Variants in SLC47A2 observed in about 807,000 individuals in gnomAD.
The protein encoded by SLC47A2 is multidrug and toxin extrusion protein 2.
A neutral mutation model predicts 67.7 loss-of-function variants in SLC47A2; 52 were observed. The observed-to-expected ratio is 0.77, with a 90% confidence interval of 0.61 to 0.97. The LOEUF is 0.97. SLC47A2 is among the 50% of genes least tolerant of loss of function. The probability of loss-of-function intolerance (pLI) is 0.00; values close to 1 mark genes in which losing one functional copy is unlikely to be tolerated. For missense variants in SLC47A2, 676 were observed against 712.3 expected (o/e 0.95, Z 0.58); for synonymous variants, 278 against 292.9 (o/e 0.95, Z 0.52).
In SLC47A2 at chr17:19,681,675, G is replaced by A. The variant is rs769786354; in HGVS notation, c.1165-5C>T. On this transcript the variant is annotated splice_polypyrimidine_tract_variant and splice_region_variant and intron_variant, in intron 13 of 16. Transcript: ENST00000433844. ...CAGAACTCCGCCATAGACACACTAG[G>A]AGGGGAGACAGAAATGGGCAAGAGT... 1.9e-6 allele frequency: 3 copies of A among 1,606,768 alleles called. No homozygotes were observed. The highest frequency in any genetic ancestry group is 2.6e-6 in the Non-Finnish European group (3 of 1,175,002).
intron 16 of SLC47A2, among the ~76,000 whole-genome samples, chr17:19,679,258 C>A (rs902747243): frequency 6.6e-6 from 1 of 152,178 alleles, no homozygotes; most frequent in Non-Finnish European, 1.5e-5. Flanking sequence ...TGACAACTTA[C>A]GCTCCCAGAG....
intron 3 of SLC47A2, 75 bp from the exon 4 acceptor site, chr17:19,714,048 T>TGTCAGCGGC: frequency 6.5e-7 from 1 of 1,531,258 alleles, no homozygotes; most frequent in Admixed American, 1.9e-5. Context: ...GGGAGCGGGC[T>TGTCAGCGGC]GTCAGCGGCG....
At chr17:19,711,588 CAAAAAAAAAAAAA>C (rs35308426) in intron 5 of SLC47A2, among the ~76,000 whole-genome samples, 3 of 33,006 alleles carry the variant, frequency 9.1e-5, no homozygotes, top group Admixed American at 4.4e-4. Flanking sequence ...AACTCCGTCT[CAAAAAAAAAAAAA>C]AAAAAAAAAA....
chr17:19,691,046 C>G (rs1489084619), intron 13 of SLC47A2, among the ~76,000 whole-genome samples: 1 of 151,958 alleles, frequency 6.6e-6, no homozygotes, highest in African/African-American at 2.4e-5. Flanking sequence ...TTGCTTGAAC[C>G]TGGGAGGCGG....
chr17:19,707,960 C>T, intron 7 of SLC47A2, 117 bp from the exon 8 acceptor site: 3 of 984,394 alleles, frequency 3.0e-6, no homozygotes, highest in South Asian at 1.5e-5. Flanking sequence ...CTCTGCTCTT[C>T]CCCCATCCTG....
chr17:19,704,604 T>C, intron 10 of SLC47A2: 6 of 1,467,990 alleles, frequency 4.1e-6, no homozygotes, highest in Non-Finnish European at 5.5e-6. Flanking sequence ...TAGATTTTTG[T>C]GACTCCTTTG....
chr17:19,689,789 G>A (rs554557517), intron 13 of SLC47A2, among the ~76,000 whole-genome samples: 5 of 151,882 alleles, frequency 3.3e-5, no homozygotes, highest in South Asian at 2.1e-4. Flanking sequence ...CACAAAAAAT[G>A]GATATTCTAT....
At chr17:19,708,653 C>T (rs1237430533) in intron 6 of SLC47A2, 63 bp downstream of exon 6, 5 of 1,605,380 alleles carry the variant, frequency 3.1e-6, no homozygotes, top group South Asian at 1.1e-5. Context: ...CCCAGGCCCC[C>T]CTCCCACTGG....
At chr17:19,682,091 C>T (rs952581219) in intron 13 of SLC47A2, among the ~76,000 whole-genome samples, 5 of 152,108 alleles carry the variant, frequency 3.3e-5, no homozygotes, top group African/African-American at 1.2e-4. Flanking sequence ...TTGGGCCGGG[C>T]ATGGTGGCTC....
intron 1 of SLC47A2, 23 bp from the exon 2 acceptor site, chr17:19,715,240 G>T (rs750071152): frequency 6.3e-7 from 1 of 1,599,532 alleles, no homozygotes; most frequent in South Asian, 1.1e-5. Context: ...GGCCAGGTCA[G>T]ACTCGGGGCC....
rs2086201958 is a variant in SLC47A2 at position 19,714,725 on chromosome 17, G to A, written c.290C>T (p.Ser97Phe). The change falls in exon 3 of 17, where the codon TCT becomes TTT. Residue 97 changes from serine (S) to phenylalanine (F), a missense_variant. By Grantham distance (155) the Ser-to-Phe change is radical. Coordinates refer to ENST00000433844, the MANE Select transcript of SLC47A2 (RefSeq NM_001099646.3). ...GLSSACDTLM[S>F]QSFGSPNKKH... ...CAGCTCCAGGAGGCCACCCACCTGA[G>A]ACATCAAGGTGTCACATGCCGAAGA... is the stretch of plus-strand genomic sequence containing the variant. The A allele has an allele frequency of 1.2e-6, 2 of 1,614,070 alleles. No homozygotes were observed. The highest frequency in any genetic ancestry group is 1.7e-6 in the Non-Finnish European group (2 of 1,180,046).
intron 13 of SLC47A2, among the ~76,000 whole-genome samples, chr17:19,691,272 A>G (rs2085534502): frequency 6.6e-6 from 1 of 152,310 alleles, no homozygotes; most frequent in Admixed American, 6.5e-5. Flanking sequence ...AAGAAAGGAA[A>G]TTAGTATAGC....
At chr17:19,712,815 G>A (rs2086138212) in intron 4 of SLC47A2, 70 bp from the exon 5 acceptor site, 2 of 1,483,352 alleles carry the variant, frequency 1.3e-6, no homozygotes, top group Admixed American at 1.9e-5. Context: ...TCTCCCCTGT[G>A]TCCTCCAGGA....
chr17:19,717,527 G>C (rs1406946311), upstream of SLC47A2: 1 of 152,710 alleles, frequency 6.5e-6, no homozygotes, highest in African/African-American at 2.4e-5. Flanking sequence ...GTGAGCGAGG[G>C]GGGCAGGAAG....
chr17:19,679,549 A>T (rs2085267730), intron 16 of SLC47A2, among the ~76,000 whole-genome samples: 1 of 152,166 alleles, frequency 6.6e-6, no homozygotes, highest in African/African-American at 2.4e-5. Context: ...CCCACAAGTT[A>T]AAAGTTGGCC....
At chr17:19,709,291 C>A (rs886687049) in intron 5 of SLC47A2, among the ~76,000 whole-genome samples, 2 of 152,172 alleles carry the variant, frequency 1.3e-5, no homozygotes, top group Non-Finnish European at 2.9e-5. Flanking sequence ...CTGGGGAGGA[C>A]CATAGGGGAG....
chr17:19,696,149 C>T (rs561223796), intron 13 of SLC47A2, among the ~76,000 whole-genome samples: 5 of 151,604 alleles, frequency 3.3e-5, no homozygotes, highest in Non-Finnish European at 5.9e-5. Context: ...TGACTGGTGT[C>T]CTTATTAAAA....
intron 13 of SLC47A2, among the ~76,000 whole-genome samples, chr17:19,690,957 T>TA (rs922912457): frequency 2.1e-4 from 32 of 151,612 alleles, no homozygotes; most frequent in East Asian, 1.6e-3. Flanking sequence ...CCTTCTCTAC[T>TA]AAAAAAAATA....
chr17:19,712,839 C>A, intron 4 of SLC47A2, 94 bp from the exon 5 acceptor site: 2 of 1,241,684 alleles, frequency 1.6e-6, no homozygotes, highest in South Asian at 2.6e-5. Context: ...GGTGCTCGGC[C>A]GCTGTCCCAG....
Sources: gnomAD v4.1 joint callset for allele counts (sites outside exome capture counted in the v4.1 genomes callset) on GRCh38, gnomAD v4.1.1 for gene constraint, MANE v1.5 for transcripts, NCBI Gene and HGNC (gene_info 2026-07-23, HGNC 2026-07-21) for gene names.